KLF8: variants seen among roughly 807,000 people sequenced by gnomAD.
The protein encoded by KLF8 is Krueppel-like factor 8.
Under a neutral mutation model 18.2 loss-of-function variants are expected in KLF8, and 10 were observed. The ratio of observed to expected loss-of-function variants is 0.55; its 90% CI spans 0.34 to 0.93. The LOEUF is 0.93. Among genes scored for constraint, KLF8 ranks in the 40% least tolerant of loss-of-function variants. The probability of loss-of-function intolerance (pLI) is 0.02; values close to 1 mark genes in which losing one functional copy is unlikely to be tolerated. For synonymous variants in KLF8, 109 were observed against 97.3 expected (o/e 1.12, Z -0.71); for missense variants, 264 against 277.9 (o/e 0.95, Z 0.36).
chrX:55,956,192 G>GTATC, the KLF8 span, among the ~76,000 whole-genome samples: 256 of 97,140 alleles, frequency 2.6e-3, 3 homozygotes, highest in East Asian at 7.5e-3. Context: ...ATCTATCTAT[G>GTATC]TATCTATCTA....
chrX:56,180,994 T>A, the KLF8 span, among the ~76,000 whole-genome samples: 397 of 111,566 alleles, frequency 3.6e-3, 1 homozygote, highest in Middle Eastern at 4.6e-3. Flanking sequence ...GGTGCAGAGC[T>A]GAGTTCAAGT....
the KLF8 span, among the ~76,000 whole-genome samples, chrX:56,062,262 G>T: frequency 9.0e-6 from 1 of 110,786 alleles, no homozygotes; most frequent in African/African-American, 3.3e-5. Context: ...TAGTGTCAAT[G>T]GTCTTTACAA....
chrX:56,195,916 G>A, the KLF8 span, among the ~76,000 whole-genome samples: 33 of 111,737 alleles, frequency 3.0e-4, no homozygotes, highest in Non-Finnish European at 4.3e-4. Context: ...GAAGAGAGTG[G>A]GGGCCAACAC....
At chrX:56,016,848 A>G in the KLF8 span, among the ~76,000 whole-genome samples, 5 of 111,955 alleles carry the variant, frequency 4.5e-5, no homozygotes, top group South Asian at 3.7e-4. Context: ...CCATTTTACT[A>G]TGTTACTACA....
At chrX:56,042,773 G>T in the KLF8 span, among the ~76,000 whole-genome samples, 1 of 111,335 alleles carries the variant, frequency 9.0e-6, no homozygotes, top group Non-Finnish European at 1.9e-5. Flanking sequence ...CAATTAGATG[G>T]GTCTTGGCTC....
At chrX:55,936,591 A>T in the KLF8 span, among the ~76,000 whole-genome samples, 19 of 112,997 alleles carry the variant, frequency 1.7e-4, no homozygotes, top group Admixed American at 1.7e-3. Flanking sequence ...TGCCTCACGC[A>T]GGAAACGCAA....
the KLF8 span, among the ~76,000 whole-genome samples, chrX:56,109,164 A>G: frequency 4.9e-4 from 54 of 111,212 alleles, 1 homozygote; most frequent in Non-Finnish European, 5.8e-4. Context: ...GGAGAGGCCA[A>G]GGTGGGAGGA....
At chrX:56,143,302 C>T in the KLF8 span, among the ~76,000 whole-genome samples, 4 of 112,178 alleles carry the variant, frequency 3.6e-5, no homozygotes, top group Non-Finnish European at 7.5e-5. Context: ...TGCTTAAATG[C>T]TACTTTCTTT....
the KLF8 span, among the ~76,000 whole-genome samples, chrX:56,172,148 G>A: frequency 4.6e-5 from 5 of 109,583 alleles, no homozygotes; most frequent in Admixed American, 4.9e-4. Context: ...GGGTACAGGT[G>A]TACAACATGC....
the KLF8 span, among the ~76,000 whole-genome samples, chrX:55,942,156 G>A: frequency 1.8e-5 from 2 of 111,481 alleles, no homozygotes; most frequent in African/African-American, 6.5e-5. Context: ...AGAAAATGTG[G>A]CACATATACA....
the KLF8 span, among the ~76,000 whole-genome samples, chrX:56,066,512 G>A: frequency 8.9e-6 from 1 of 112,069 alleles, no homozygotes; most frequent in Admixed American, 9.4e-5. Context: ...AGCAGCACTA[G>A]GCATGCAGCT....
the KLF8 span, among the ~76,000 whole-genome samples, chrX:56,181,635 G>C: frequency 9.8e-5 from 11 of 111,680 alleles, no homozygotes; most frequent in South Asian, 3.8e-3. Flanking sequence ...TCTTCCTTCA[G>C]GAGCTCTTGA....
At chrX:55,960,899 G>A in the KLF8 span, among the ~76,000 whole-genome samples, 165 of 111,259 alleles carry the variant, frequency 1.5e-3, no homozygotes, top group Non-Finnish European at 1.9e-3. Flanking sequence ...GTATCAAGCC[G>A]GATAAAGAAG....
the KLF8 span, among the ~76,000 whole-genome samples, chrX:56,196,290 T>A: frequency 1.2e-4 from 13 of 111,506 alleles, no homozygotes; most frequent in African/African-American, 4.2e-4. Flanking sequence ...GACTGGCAAA[T>A]TGAATAAAGA....
the KLF8 span, among the ~76,000 whole-genome samples, chrX:55,909,506 T>A: frequency 8.9e-6 from 1 of 112,167 alleles, no homozygotes; most frequent in Non-Finnish European, 1.9e-5. Context: ...TGCTGGGAGG[T>A]TTGTGTAAAA....
the KLF8 span, among the ~76,000 whole-genome samples, chrX:56,067,642 T>C: frequency 9.0e-6 from 1 of 111,645 alleles, no homozygotes. Context: ...GGAGAACCTC[T>C]CTAATATGAG....
the KLF8 span, among the ~76,000 whole-genome samples, chrX:56,219,988 T>A: frequency 8.9e-6 from 1 of 112,413 alleles, no homozygotes; most frequent in African/African-American, 3.2e-5. Flanking sequence ...AATAGGAATC[T>A]CAACGTTGTA....
At chrX:56,255,119 T>G (rs979396141) in intron 2 of KLF8, among the ~76,000 whole-genome samples, 1 of 112,775 alleles carries the variant, frequency 8.9e-6, no homozygotes, top group Non-Finnish European at 1.9e-5. Context: ...TAGTTTTCAT[T>G]GTAGACATCT....
chrX:55,995,442 T>G, the KLF8 span, among the ~76,000 whole-genome samples: 2 of 112,380 alleles, frequency 1.8e-5, no homozygotes, highest in Non-Finnish European at 3.8e-5. Flanking sequence ...CTCATTCTCA[T>G]GTAAACTTGA....
Sources: allele counts gnomAD v4.1 joint callset (sites outside exome capture counted in the v4.1 genomes callset), GRCh38; gene constraint gnomAD v4.1.1; transcripts MANE v1.5; gene names NCBI Gene and HGNC (gene_info 2026-07-23, HGNC 2026-07-21).